Variants in IL16 observed in about 807,000 individuals in gnomAD.
IL16 encodes pro-interleukin-16.
Under a neutral mutation model 110.1 loss-of-function variants are expected in IL16, and 67 were observed. The ratio of observed to expected loss-of-function variants is 0.61; its 90% confidence interval spans 0.50 to 0.75. The LOEUF (loss-of-function observed/expected upper bound fraction) is 0.75. Ranked by LOEUF, IL16 falls within the 30% of genes least tolerant of loss-of-function variation. The pLI, the probability that IL16 is intolerant of heterozygous loss-of-function variation, is 0.00. For missense variants in IL16, 1,545 were observed against 1,655.0 expected (o/e 0.93, Z 1.15); for synonymous variants, 689 against 662.9 (o/e 1.04, Z -0.61).
At chr15:81,307,937 T>A (rs540233826) in intron 18 of IL16, among the ~76,000 whole-genome samples, 81 of 152,372 alleles carry the variant, frequency 5.3e-4, no homozygotes, top group Non-Finnish European at 9.1e-4. Context: ...CAATACACTT[T>A]AGCTATATTT....
Position 81,306,071 on chromosome 15 carries a change from C to A in IL16, c.3584C>A (p.Thr1195Lys). The part of the protein sequence containing the change: ...AREPRQAVIV[T>K]RKLTPEAMPD... ...GAGCCCAGGCAAGCTGTGATTGTCA[C>A]AAGGAAGCTGACTCCAGAGGCCATG... The change falls in exon 17 of 19, where the codon ACA becomes AAA. Residue 1195 changes from threonine to lysine, a missense_variant. Thr to Lys is a moderately conservative substitution (Grantham distance 78, BLOSUM62 -1). Around this residue, in one of 3 missense-constraint regions of IL16, gnomAD observed 356 missense variants for 399.3 expected, o/e 0.89. Coordinates refer to ENST00000683961, the MANE Select transcript of IL16 (RefSeq NM_172217.5). 1 of 1,614,220 alleles carries A rather than the reference C, an allele frequency of 6.2e-7. No individual in the cohort carries two copies. The highest frequency in any genetic ancestry group is 1.1e-5 in the South Asian group (1 of 91,086).
chr15:81,273,439 C>A (rs1419919445), intron 6 of IL16, among the ~76,000 whole-genome samples: 1 of 152,176 alleles, frequency 6.6e-6, no homozygotes, highest in Non-Finnish European at 1.5e-5. Flanking sequence ...CACCGTTACC[C>A]CTTAGCTGGT....
Position 81,305,974 on chromosome 15 carries a change from C to A in IL16, c.3487C>A (p.Leu1163Ile), listed in dbSNP as rs763062471. ...EGTIQKGNEV[L>I]SINGKSLKGT... is the part of the protein sequence containing the mutation. ...GACTATTCAGAAGGGCAATGAGGTT[C>A]TTTCCATCAACGGCAAGTCTCTCAA... Residue 1163 changes from leucine to isoleucine, a missense_variant, in exon 17 of 19, where the codon CTT becomes ATT. Coordinates refer to ENST00000683961, the MANE Select transcript of IL16 (RefSeq NM_172217.5). The A allele has an allele frequency of 1.9e-6, 3 of 1,614,212 alleles. No homozygotes were observed. The highest frequency in any genetic ancestry group is 2.5e-6 in the Non-Finnish European group (3 of 1,180,034).
rs1833472000 is a variant in IL16 at position 81,308,779 on chromosome 15, C to T, written c.3980C>T (p.Thr1327Ile). 1 of 1,613,254 alleles carries T rather than the reference C, an allele frequency of 6.2e-7. No individual in the cohort carries two copies. The highest frequency in any genetic ancestry group is 1.3e-5 in the African/African-American group (1 of 75,022). Residue 1327 changes from threonine to isoleucine, a missense_variant, in exon 19 of 19, where the codon ACA becomes ATA. Physicochemically the swap from Thr to Ile is moderately conservative, Grantham distance 89. This residue lies in a region of IL16 where 356 missense variants were observed against 399.3 expected (regional missense o/e 0.89). Transcript: ENST00000683961. The part of the protein sequence containing the change: ...RRKSLQSKET[T>I]AAGDS Reference sequence around the variant, plus strand: ...AAAAGCCTCCAGTCCAAGGAAACCACAGCTGCTGGAGACTCCTAGGCAGGA... The same window carrying T: ...AAAAGCCTCCAGTCCAAGGAAACCATAGCTGCTGGAGACTCCTAGGCAGGA...
At position 81,306,099 on chromosome 15, in the gene IL16, C is replaced by G; in HGVS notation, c.3612C>G (p.Pro1204=). 1 of 1,614,176 alleles carries G rather than the reference C, an allele frequency of 6.2e-7. No individual in the cohort carries two copies. The highest frequency in any genetic ancestry group is 8.5e-7 in the Non-Finnish European group (1 of 1,180,030). The change falls in exon 17 of 19, where the codon CCC becomes CCG. Residue 1204 remains proline, a synonymous_variant. Transcript: ENST00000683961. ...VTRKLTPEAM[P]DLNSSTDSAA... is the part of the protein sequence containing the mutation. ...GGAAGCTGACTCCAGAGGCCATGCCCGACCTCAACTCCTCCACTGACTCTG... is the reference window on the plus strand; with the variant it reads ...GGAAGCTGACTCCAGAGGCCATGCCGGACCTCAACTCCTCCACTGACTCTG...
At chr15:81,222,134 A>G (rs980143276) in intron 1 of IL16, among the ~76,000 whole-genome samples, 11 of 152,064 alleles carry the variant, frequency 7.2e-5, no homozygotes, top group Non-Finnish European at 1.5e-4. Context: ...TTTGCATTCC[A>G]AGAACCCATG....
intron 3 of IL16, among the ~76,000 whole-genome samples, chr15:81,262,508 A>G (rs988731800): frequency 1.3e-5 from 2 of 152,116 alleles, no homozygotes; most frequent in South Asian, 2.1e-4. Context: ...CTAAATGAAT[A>G]GAGAATTATT....
intron 1 of IL16, among the ~76,000 whole-genome samples, chr15:81,207,432 A>G (rs1033180177): frequency 3.3e-5 from 5 of 152,100 alleles, no homozygotes; most frequent in African/African-American, 4.8e-5. Context: ...CAGGGGATAC[A>G]TATGCAGATT....
intron 2 of IL16, among the ~76,000 whole-genome samples, chr15:81,235,805 C>A (rs1897160399): frequency 6.6e-6 from 1 of 152,100 alleles, no homozygotes; most frequent in Non-Finnish European, 1.5e-5. Context: ...TATAATGAGA[C>A]CACCCTTAAG....
chr15:81,281,290 T>C (rs112192726), intron 8 of IL16, among the ~76,000 whole-genome samples: 35 of 152,220 alleles, frequency 2.3e-4, no homozygotes, highest in African/African-American at 8.0e-4. Flanking sequence ...GAAAGAAAAC[T>C]GTAAAGGGCC....
rs993300461 is a variant in IL16 at position 81,308,857 on chromosome 15, G to A, written c.*59G>A. 34 of 1,436,866 alleles carry A rather than the reference G, an allele frequency of 2.4e-5. No homozygotes were observed. Among genetic ancestry groups the A allele is most frequent in the Admixed American group, 8.1e-5 (4 of 49,674 alleles). The allele number at this position is 1,436,866 out of a possible 1,614,324, so 89.0% of individuals were successfully genotyped here. A position where few individuals can be genotyped will look rare whatever the true frequency, so the allele number is the denominator to read the frequency against. ...CAGCTAACACACAGCTCCCATAACC[G>A]CTGATTCTCAGGGTCTCTGCTGCCG... On this transcript the variant is annotated 3_prime_UTR_variant, in exon 19 of 19. Transcript: ENST00000683961.
rs569951266 is a variant in IL16 at position 81,213,204 on chromosome 15, C to G, written c.-101-12095C>G. Among the ~76,000 whole-genome samples, 12 of 152,188 alleles carry G rather than the reference C, an allele frequency of 7.9e-5. No homozygotes were observed. The East Asian group carries it at 2.3e-3, about 29-fold the overall frequency. ...ATGCATTTATGTAGTTTTGAGAAAGCTTCTTGATACTGATTTCTATTTTTA... is the reference window on the plus strand; with the variant it reads ...ATGCATTTATGTAGTTTTGAGAAAGGTTCTTGATACTGATTTCTATTTTTA... On this transcript the variant is annotated intron_variant, in intron 1 of 18. Transcript: ENST00000683961.
rs1443203935 is a variant in IL16 at position 81,306,451 on chromosome 15, G to A, written c.3711G>A (p.Leu1237=). The change falls in exon 18 of 19, where the codon CTG becomes CTA. Residue 1237 remains leucine (L), a synonymous_variant. Coordinates refer to ENST00000683961, the MANE Select transcript of IL16 (RefSeq NM_172217.5). ...TAEATVCTVT[L]EKMSAGLGFS... ...AGGCCACAGTCTGCACGGTGACACT[G>A]GAGAAGATGTCGGCAGGGCTGGGCT... The A allele has an allele frequency of 4.3e-6, 7 of 1,613,646 alleles. No individual in the cohort carries two copies. In the Admixed American group the frequency reaches 6.7e-5, roughly 15 times the overall value.
At chr15:81,200,921 G>C (rs989429611) in intron 1 of IL16, among the ~76,000 whole-genome samples, 4 of 152,146 alleles carry the variant, frequency 2.6e-5, no homozygotes, top group African/African-American at 7.2e-5. Flanking sequence ...GTGAGGGTTG[G>C]AGAAGGTGGA....
intron 1 of IL16, among the ~76,000 whole-genome samples, chr15:81,218,776 G>T (rs1035496800): frequency 2.0e-5 from 3 of 152,030 alleles, no homozygotes; most frequent in Non-Finnish European, 4.4e-5. Context: ...ACAATATATT[G>T]CAGACATATT....
intron 2 of IL16, among the ~76,000 whole-genome samples, chr15:81,232,042 G>GTTTTTTTTTTTTTTGTT (rs1897010560): frequency 1.7e-5 from 1 of 57,694 alleles, no homozygotes; most frequent in African/African-American, 6.4e-5. Context: ...ATTTGTTCTT[G>GTTTTTTTTTTTTTTGTT]TTTTTTTTTT....
At chr15:81,288,288 T>C (rs1899542622) in intron 10 of IL16, among the ~76,000 whole-genome samples, 1 of 152,184 alleles carries the variant, frequency 6.6e-6, no homozygotes, top group African/African-American at 2.4e-5. Flanking sequence ...TTTGGGCAAC[T>C]CATCTAACCT....
At position 81,313,220 on chromosome 15, in the gene IL16, G is replaced by A. The variant is rs373393235; in HGVS notation, c.*4422G>A. On this transcript the variant is annotated 3_prime_UTR_variant, in exon 19 of 19. Transcript: ENST00000683961. Reference sequence around the variant, plus strand: ...CCCAACAGCTGGAGCTCCTCGATGAGTCACGGGAGTTCTTTGCCAAGAAGT... The same window carrying A: ...CCCAACAGCTGGAGCTCCTCGATGAATCACGGGAGTTCTTTGCCAAGAAGT... 1.1e-5 allele frequency: 17 copies of A among 1,503,996 alleles called. No individual in the cohort carries two copies. The highest frequency in any genetic ancestry group is 1.8e-4 in the Middle Eastern group (1 of 5,696). The allele number at this position is 1,503,996 out of a possible 1,614,324, so 93.2% of individuals were successfully genotyped here. A position where few individuals can be genotyped will look rare whatever the true frequency, so the allele number is the denominator to read the frequency against.
intron 1 of IL16, among the ~76,000 whole-genome samples, chr15:81,207,252 AAAAAAAAAAC>A (rs1896061146): frequency 6.6e-6 from 1 of 151,588 alleles, no homozygotes; most frequent in Non-Finnish European, 1.5e-5. Flanking sequence ...AAAACAAAAA[AAAAAAAAAAC>A]AAAAAAAAGA....
Sources: gnomAD v4.1 joint callset for allele counts (sites outside exome capture counted in the v4.1 genomes callset) on GRCh38, gnomAD v4.1.1 for gene constraint, gnomAD v4.1.1 regional missense constraint, MANE v1.5 for transcripts, NCBI Gene and HGNC (gene_info 2026-07-23, HGNC 2026-07-21) for gene names.